The following KCNA6 variants were observed in gnomAD, a reference collection of about 807,000 sequenced individuals.
KCNA6 encodes the protein human brain potassium channel-2.
KCNA6 carries 17 observed loss-of-function variants against 29.5 expected under a neutral mutation model. That is an observed-to-expected ratio of 0.58 (90% CI 0.39 to 0.86). KCNA6 has a LOEUF of 0.86. KCNA6 is among the 40% of genes least tolerant of loss of function. The pLI is 0.00. For synonymous variants in KCNA6, 296 were observed against 304.7 expected (o/e 0.97, Z 0.30); for missense variants, 450 against 703.4 (o/e 0.64, Z 4.07).
rs1352083720 is a variant in KCNA6 at position 4,810,529 on chromosome 12, T to A, written c.488T>A (p.Leu163His). 1 of 1,614,010 alleles carries A rather than the reference T, an allele frequency of 6.2e-7. No homozygotes were observed. Among genetic ancestry groups the A allele is most frequent in the African/African-American group, 1.3e-5 (1 of 74,932 alleles). The change falls in exon 1 of 1, where the codon CTC (leucine) becomes CAC (histidine). Residue 163 changes from leucine (L) to histidine (H), a missense_variant. Leu to His is a moderately conservative substitution (Grantham distance 99). Around this residue, in one of 7 missense-constraint regions of KCNA6, gnomAD observed 133 missense variants for 217.5 expected, o/e 0.61. Transcript: ENST00000280684. This position sits in a 1 kb window ranked among gnomAD's most constrained non-coding sequence, Gnocchi z 7.5. ...CCCTTCCAGCGCCAGGTGTGGCTGCTCTTTGAGTACCCAGAGAGCTCTGGG... is the reference window on the plus strand; with the variant it reads ...CCCTTCCAGCGCCAGGTGTGGCTGCACTTTGAGTACCCAGAGAGCTCTGGG...
chr12:4,815,683 G>C (rs1362633746), downstream of KCNA6, among the ~76,000 whole-genome samples: 1 of 152,216 alleles, frequency 6.6e-6, no homozygotes, highest in Non-Finnish European at 1.5e-5. Flanking sequence ...TTCACTTGAA[G>C]GTTTTGCTAG....
the KCNA6 span, among the ~76,000 whole-genome samples, chr12:4,841,836 G>C: frequency 6.6e-6 from 1 of 152,134 alleles, no homozygotes; most frequent in African/African-American, 2.4e-5. Flanking sequence ...GTAGAGATGA[G>C]ACAGGTGAAT....
At chr12:4,820,228 A>T in the KCNA6 span, among the ~76,000 whole-genome samples, 1 of 152,240 alleles carries the variant, frequency 6.6e-6, no homozygotes, top group Non-Finnish European at 1.5e-5. Context: ...ATACAGAAAT[A>T]TAATCTGAAT....
chr12:4,828,356 C>T, the KCNA6 span, among the ~76,000 whole-genome samples: 3 of 152,208 alleles, frequency 2.0e-5, no homozygotes, highest in East Asian at 1.9e-4. Flanking sequence ...ACTACATAGC[C>T]GTCATGGAGA....
At chr12:4,838,053 G>GA in the KCNA6 span, among the ~76,000 whole-genome samples, 1 of 152,160 alleles carries the variant, frequency 6.6e-6, no homozygotes, top group African/African-American at 2.4e-5. Flanking sequence ...AGGTGGGGAG[G>GA]GATGGGGTGG....
the KCNA6 span, among the ~76,000 whole-genome samples, chr12:4,825,416 A>G: frequency 6.6e-6 from 1 of 152,172 alleles, no homozygotes; most frequent in African/African-American, 2.4e-5. Context: ...AACTTCTTAC[A>G]TTTTTAAAAA....
the KCNA6 span, among the ~76,000 whole-genome samples, chr12:4,821,966 A>G: frequency 6.6e-6 from 1 of 152,042 alleles, no homozygotes; most frequent in African/African-American, 2.4e-5. Flanking sequence ...TCTCCTGAAT[A>G]GCTGGAATTA....
chr12:4,816,168 GT>G (rs1472136872), downstream of KCNA6, among the ~76,000 whole-genome samples: 1 of 151,934 alleles, frequency 6.6e-6, no homozygotes, highest in Non-Finnish European at 1.5e-5. Context: ...TAGAATGACA[GT>G]TTTTTTCTTC....
the KCNA6 span, among the ~76,000 whole-genome samples, chr12:4,840,612 AATCACAGAC>A: frequency 6.6e-6 from 1 of 152,228 alleles, no homozygotes; most frequent in South Asian, 2.1e-4. Context: ...GTTCCACATC[AATCACAGAC>A]ATGGCAGAAT....
chr12:4,837,579 G>A, the KCNA6 span, among the ~76,000 whole-genome samples: 1 of 152,112 alleles, frequency 6.6e-6, no homozygotes, highest in Non-Finnish European at 1.5e-5. Flanking sequence ...TGCTGCAATT[G>A]CTTGCATGTT....
Position 4,811,624 on chromosome 12 carries a change from A to G in KCNA6, c.1583A>G (p.Glu528Gly). The change falls in exon 1 of 1, where the codon GAG becomes GGG. Residue 528 changes from glutamate to glycine, a missense_variant. Coordinates refer to ENST00000280684, the Ensembl canonical transcript of KCNA6. The surrounding 1 kb of genome is among the most constrained non-coding windows in gnomAD (Gnocchi z 7.1). The stretch of plus-strand genomic sequence containing the variant: ...TATGCAGAGAAAAGAATGCTCACGG[A>G]GGTCTGACCCATGCAGGCAGGGCCT... 2 of 1,612,554 alleles carry G rather than the reference A, an allele frequency of 1.2e-6. No individual in the cohort carries two copies. Among genetic ancestry groups the G allele is most frequent in the Non-Finnish European group, 1.7e-6 (2 of 1,178,850 alleles).
the KCNA6 span, among the ~76,000 whole-genome samples, chr12:4,844,631 G>A: frequency 6.6e-6 from 1 of 152,252 alleles, no homozygotes; most frequent in African/African-American, 2.4e-5. The surrounding 1 kb of genome is among the most constrained non-coding windows in gnomAD (Gnocchi z 4.0). Flanking sequence ...AGTAATTTGG[G>A]TGGGGTAAGC....
chr12:4,818,937 AAC>A, the KCNA6 span, among the ~76,000 whole-genome samples: 4 of 151,944 alleles, frequency 2.6e-5, no homozygotes, highest in Admixed American at 6.6e-5. Context: ...CATACACAAA[AAC>A]ACACACATAC....
At chr12:4,823,711 G>A in the KCNA6 span, among the ~76,000 whole-genome samples, 2 of 152,214 alleles carry the variant, frequency 1.3e-5, no homozygotes, top group Non-Finnish European at 2.9e-5. Flanking sequence ...AGGTTGCAGT[G>A]AGCTGAGACT....
At chr12:4,833,624 A>T in the KCNA6 span, among the ~76,000 whole-genome samples, 8 of 152,252 alleles carry the variant, frequency 5.3e-5, no homozygotes, top group African/African-American at 1.9e-4. Context: ...GGCTTGAAGA[A>T]GTCTGTTCTT....
downstream of KCNA6, chr12:4,814,551 C>T (rs1946663700): frequency 6.0e-6 from 1 of 167,114 alleles, no homozygotes; most frequent in Non-Finnish European, 1.5e-5. The surrounding 1 kb of genome is among the most constrained non-coding windows in gnomAD (Gnocchi z 4.6). Context: ...CCCTCTCGGA[C>T]CCTGAGCCTC....
the KCNA6 span, among the ~76,000 whole-genome samples, chr12:4,826,255 T>C: frequency 6.6e-6 from 1 of 152,174 alleles, no homozygotes; most frequent in African/African-American, 2.4e-5. Context: ...TTTGTTTTGG[T>C]GCTGCTGAGG....
chr12:4,820,901 T>C, the KCNA6 span, among the ~76,000 whole-genome samples: 1 of 152,166 alleles, frequency 6.6e-6, no homozygotes, highest in Admixed American at 6.5e-5. Context: ...GGCTTTATTT[T>C]TTCTGTTAAA....
chr12:4,821,390 TC>T, the KCNA6 span, among the ~76,000 whole-genome samples: 1 of 151,196 alleles, frequency 6.6e-6, no homozygotes, highest in South Asian at 2.1e-4. Flanking sequence ...AGGCACACCC[TC>T]CCCAACCAGA....
Sources: gnomAD v4.1 joint callset for allele counts (sites outside exome capture counted in the v4.1 genomes callset) on GRCh38, gnomAD v4.1.1 for gene constraint, gnomAD v4.1.1 regional missense constraint, Gnocchi (gnomAD v3.1) non-coding constraint, MANE v1.5 for transcripts, NCBI Gene and HGNC (gene_info 2026-07-23, HGNC 2026-07-21) for gene names.